SLC7A11: variants seen among roughly 807,000 people sequenced by gnomAD.
SLC7A11 encodes the protein solute carrier family 7 member 11.
Under a neutral mutation model 54.5 loss-of-function variants are expected in SLC7A11, and 35 were observed. The observed-to-expected ratio is 0.64, with a 90% CI of 0.49 to 0.85. The LOEUF is 0.85. Ranked by LOEUF, SLC7A11 falls within the 40% of genes least tolerant of loss-of-function variation. SLC7A11 has a pLI of 0.00. For missense variants in SLC7A11, 583 were observed against 618.1 expected (o/e 0.94, Z 0.60); for synonymous variants, 230 against 225.2 (o/e 1.02, Z -0.19).
intron 1 of SLC7A11, among the ~76,000 whole-genome samples, chr4:138,239,602 C>T (rs1738328409): frequency 6.6e-6 from 1 of 152,138 alleles, no homozygotes; most frequent in Admixed American, 6.5e-5. Context: ...AGAGCACACT[C>T]CCTGCAATTA....
Position 138,223,199 on chromosome 4 carries a change from C to A in SLC7A11, c.646G>T (p.Gly216Cys). Residue 216 changes from glycine to cysteine, a missense_variant and splice_region_variant, in exon 4 of 12, where the codon GGT (glycine) becomes TGT (cysteine). Transcript: ENST00000280612. ...IVPGVMQLIK[G>C]QTQNFKDAFS... ...AAAGCATTTGCTTTTCAGTCCATAC[C>A]TTTAATTAGCTGCATAACTCCAGGG... 1 of 1,612,338 alleles carries A rather than the reference C, an allele frequency of 6.2e-7. No individual in the cohort carries two copies. Among genetic ancestry groups the A allele is most frequent in the Non-Finnish European group, 8.5e-7 (1 of 1,178,966 alleles).
intron 6 of SLC7A11, among the ~76,000 whole-genome samples, chr4:138,200,262 A>C (rs1737245779): frequency 6.6e-6 from 1 of 152,148 alleles, no homozygotes; most frequent in Admixed American, 6.6e-5. Context: ...AAAGACAATA[A>C]AAAGCAGCTA....
At chr4:138,195,942 T>C (rs966912456) in intron 6 of SLC7A11, among the ~76,000 whole-genome samples, 3 of 152,134 alleles carry the variant, frequency 2.0e-5, no homozygotes, top group Non-Finnish European at 4.4e-5. Flanking sequence ...TTGGCCTCTT[T>C]TGTTGTTGTT....
intron 1 of SLC7A11, among the ~76,000 whole-genome samples, chr4:138,241,555 T>C (rs1343955817): frequency 2.0e-5 from 3 of 152,142 alleles, no homozygotes; most frequent in East Asian, 1.9e-4. Flanking sequence ...AGTCAGAAGA[T>C]AGCCTGTCTT....
chr4:138,229,546 A>T (rs2148451085), intron 3 of SLC7A11, among the ~76,000 whole-genome samples: 1 of 152,362 alleles, frequency 6.6e-6, no homozygotes, highest in South Asian at 2.1e-4. Flanking sequence ...GTCTGGGTTC[A>T]TCTAAGATTT....
At chr4:138,217,726 G>T (rs1354305815) in intron 5 of SLC7A11, among the ~76,000 whole-genome samples, 2 of 152,184 alleles carry the variant, frequency 1.3e-5, no homozygotes, top group Non-Finnish European at 1.5e-5. Flanking sequence ...GGCTGTAGCT[G>T]AAAGCTTTCT....
In SLC7A11 at chr4:138,168,430, T is replaced by A. The variant is rs547514401; in HGVS notation, c.*3526A>T. On this transcript the variant is annotated 3_prime_UTR_variant, in exon 12 of 12. Transcript: ENST00000280612. ...TATACCTCAATTACAAAAGATCAAC[T>A]TTAACAAAGGTCAGAGTTGCTCCCT... 3 of 152,366 alleles carry A rather than the reference T, an allele frequency of 2.0e-5. No individual in the cohort carries two copies. Among genetic ancestry groups the A allele is most frequent in the African/African-American group, 7.2e-5 (3 of 41,590 alleles). The allele number at this position is 152,366 out of a possible 1,614,324, so 9.4% of individuals were successfully genotyped here.
intron 9 of SLC7A11, among the ~76,000 whole-genome samples, chr4:138,181,170 T>A (rs897153062): frequency 2.0e-5 from 3 of 152,094 alleles, no homozygotes; most frequent in African/African-American, 7.2e-5. Flanking sequence ...TAACCGATAA[T>A]GAACAGTAAA....
At chr4:138,210,059 G>A (rs1366787335) in intron 6 of SLC7A11, among the ~76,000 whole-genome samples, 1 of 151,816 alleles carries the variant, frequency 6.6e-6, no homozygotes, top group East Asian at 1.9e-4. Context: ...TAAACTAATG[G>A]AACAGGTTAA....
At chr4:138,186,895 G>T (rs1027449467) in intron 6 of SLC7A11, among the ~76,000 whole-genome samples, 11 of 152,128 alleles carry the variant, frequency 7.2e-5, no homozygotes, top group African/African-American at 2.7e-4. Context: ...CATATGGGGA[G>T]TAAATTCTTT....
At chr4:138,192,196 T>C (rs2148420559) in intron 6 of SLC7A11, among the ~76,000 whole-genome samples, 1 of 152,304 alleles carries the variant, frequency 6.6e-6, no homozygotes, top group Non-Finnish European at 1.5e-5. Flanking sequence ...AAGTTATTTA[T>C]GAGAAGCAGC....
rs1736372926 is a variant in SLC7A11, at chr4:138,170,133, C to T, written c.*1823G>A. 1 of 146,716 alleles carries T rather than the reference C, an allele frequency of 6.8e-6. No homozygotes were observed. Among genetic ancestry groups the T allele is most frequent in the Non-Finnish European group, 1.5e-5 (1 of 66,888 alleles). The allele number at this position is 146,716 out of a possible 1,614,324, so 9.1% of individuals were successfully genotyped here. ...GAAACATACTCTGGCCATGACTAAC[C>T]ATTTTACCTTAGATGTTTATAAATA... On this transcript the variant is annotated 3_prime_UTR_variant, in exon 12 of 12. Coordinates refer to ENST00000280612, the MANE Select transcript of SLC7A11 (RefSeq NM_014331.4).
At chr4:138,218,009 A>G (rs1737720563) in intron 5 of SLC7A11, among the ~76,000 whole-genome samples, 1 of 152,182 alleles carries the variant, frequency 6.6e-6, no homozygotes, top group African/African-American at 2.4e-5. Flanking sequence ...TTTTACACTG[A>G]TTTCCTTAGA....
At chr4:138,205,077 T>C (rs1737376501) in intron 6 of SLC7A11, among the ~76,000 whole-genome samples, 1 of 152,034 alleles carries the variant, frequency 6.6e-6, no homozygotes, top group South Asian at 2.1e-4. Flanking sequence ...TTCACATATT[T>C]TATCCTCACA....
chr4:138,239,551 G>T (rs1413300485), intron 1 of SLC7A11, among the ~76,000 whole-genome samples: 1 of 152,146 alleles, frequency 6.6e-6, no homozygotes, highest in Non-Finnish European at 1.5e-5. Flanking sequence ...GGTAACTTAA[G>T]TGACAAATGC....
chr4:138,228,844 A>T (rs1421119262), intron 3 of SLC7A11, among the ~76,000 whole-genome samples: 1 of 151,582 alleles, frequency 6.6e-6, no homozygotes, highest in African/African-American at 2.4e-5. Flanking sequence ...AATCTATAAG[A>T]TTTTCCATCT....
At chr4:138,222,971 C>A (rs1737851880) in intron 4 of SLC7A11, among the ~76,000 whole-genome samples, 1 of 151,884 alleles carries the variant, frequency 6.6e-6, no homozygotes, top group Non-Finnish European at 1.5e-5. Flanking sequence ...TTCACTGATG[C>A]CTTATTTTGT....
intron 6 of SLC7A11, among the ~76,000 whole-genome samples, chr4:138,213,533 CTCTCTCTCTCTA>C (rs377180370): frequency 0.057 from 3,169 of 56,060 alleles, 77 homozygotes; most frequent in African/African-American, 0.12. Flanking sequence ...TGTGTTTCTC[CTCTCTCTCTCTA>C]TCTCTCTCTC....
At chr4:138,189,143 G>A (rs1199901554) in intron 6 of SLC7A11, among the ~76,000 whole-genome samples, 3 of 152,088 alleles carry the variant, frequency 2.0e-5, no homozygotes, top group Non-Finnish European at 4.4e-5. Flanking sequence ...TAAAACATGT[G>A]CTTAGAAGCA....
Sources: allele counts gnomAD v4.1 joint callset (sites outside exome capture counted in the v4.1 genomes callset), GRCh38; gene constraint gnomAD v4.1.1; transcripts MANE v1.5; gene names NCBI Gene and HGNC (gene_info 2026-07-23, HGNC 2026-07-21).